The following AK4 variants were observed in gnomAD, a reference collection of about 807,000 sequenced individuals.
The protein encoded by AK4 is adenylate kinase 4, also known as adenylate kinase 4, mitochondrial.
AK4 carries 13 observed loss-of-function variants against 24.6 expected under a neutral mutation model. The ratio of observed to expected loss-of-function variants is 0.53; its 90% CI spans 0.34 to 0.84. The LOEUF (loss-of-function observed/expected upper bound fraction) is 0.84, where lower values mean the gene tolerates loss of function less well. Ranked by LOEUF, AK4 falls within the 40% of genes least tolerant of loss-of-function variation. The pLI is 0.01. For synonymous variants in AK4, 88 were observed against 107.0 expected (o/e 0.82, Z 1.10); for missense variants, 192 against 288.2 (o/e 0.67, Z 2.42).
At chr1:65,209,389 T>C (rs1035761887) in intron 2 of AK4, among the ~76,000 whole-genome samples, 5 of 152,096 alleles carry the variant, frequency 3.3e-5, no homozygotes, top group Non-Finnish European at 7.4e-5. Context: ...CTTGGAGTGT[T>C]ACTTTTAGTA....
chr1:65,206,476 C>T (rs574295592), intron 2 of AK4, among the ~76,000 whole-genome samples: 2 of 152,338 alleles, frequency 1.3e-5, no homozygotes, highest in Admixed American at 6.5e-5. Context: ...AGGCCGGACG[C>T]GGTGGCTTGT....
intron 1 of AK4, among the ~76,000 whole-genome samples, chr1:65,189,673 A>ACC (rs1393185613): frequency 5.4e-4 from 76 of 139,600 alleles, no homozygotes; most frequent in South Asian, 2.0e-3. Context: ...ACACACACAC[A>ACC]CACACCCCAC....
At chr1:65,162,774 G>A (rs1446123792) in intron 1 of AK4, among the ~76,000 whole-genome samples, 1 of 151,966 alleles carries the variant, frequency 6.6e-6, no homozygotes, top group East Asian at 1.9e-4. Flanking sequence ...CATTTCTCCA[G>A]AAAGAAACCC....
intron 2 of AK4, among the ~76,000 whole-genome samples, chr1:65,200,776 AT>A (rs1651638549): frequency 1.3e-5 from 2 of 151,432 alleles, no homozygotes; most frequent in South Asian, 4.2e-4. Flanking sequence ...GATACTCAGA[AT>A]CCAGTGGTGT....
intron 2 of AK4, among the ~76,000 whole-genome samples, chr1:65,207,346 T>C (rs1027604795): frequency 6.6e-6 from 1 of 152,032 alleles, no homozygotes; most frequent in Non-Finnish European, 1.5e-5. Flanking sequence ...CTTTGGGGTC[T>C]TTTTCTATTA....
At chr1:65,209,126 G>A (rs1030761904) in intron 2 of AK4, among the ~76,000 whole-genome samples, 1 of 152,190 alleles carries the variant, frequency 6.6e-6, no homozygotes, top group African/African-American at 2.4e-5. Context: ...AGAGTGAGCA[G>A]CTTTTCTAGG....
At chr1:65,221,411 C>G (rs965679482) in intron 3 of AK4, among the ~76,000 whole-genome samples, 3 of 152,256 alleles carry the variant, frequency 2.0e-5, no homozygotes, top group Non-Finnish European at 2.9e-5. Flanking sequence ...GACTTTTTCA[C>G]TAAGCACTCC....
chr1:65,189,380 G>GT (rs1414249980), intron 1 of AK4, among the ~76,000 whole-genome samples: 1 of 150,332 alleles, frequency 6.7e-6, no homozygotes, highest in Non-Finnish European at 1.5e-5. Flanking sequence ...CTGGGTTCAA[G>GT]TGATTCTCAT....
chr1:65,184,034 T>C (rs1651005463), intron 1 of AK4, among the ~76,000 whole-genome samples: 1 of 152,224 alleles, frequency 6.6e-6, no homozygotes, highest in Admixed American at 6.5e-5. Context: ...AATGCGGTAT[T>C]ATCTTAATGC....
At chr1:65,178,029 T>C (rs565910871) in intron 1 of AK4, among the ~76,000 whole-genome samples, 7 of 152,124 alleles carry the variant, frequency 4.6e-5, no homozygotes, top group African/African-American at 1.4e-4. Flanking sequence ...ACCGTGGCTG[T>C]CAGGGGTGAA....
chr1:65,190,918 G>T, intron 2 of AK4, 89 bp downstream of exon 2: 4 of 1,426,374 alleles, frequency 2.8e-6, no homozygotes, highest in Non-Finnish European at 3.7e-6. Context: ...AATGGAAAAT[G>T]CCTTATTTTC....
At chr1:65,150,858 T>C (rs1246741060) in intron 1 of AK4, among the ~76,000 whole-genome samples, 3 of 152,216 alleles carry the variant, frequency 2.0e-5, no homozygotes, top group African/African-American at 4.8e-5. Flanking sequence ...TGCAGCCTGG[T>C]GAAAAGCTGC....
At chr1:65,215,259 C>T (rs539213680) in intron 2 of AK4, among the ~76,000 whole-genome samples, 6 of 151,994 alleles carry the variant, frequency 3.9e-5, no homozygotes, top group African/African-American at 1.2e-4. Context: ...GCAATCTCCG[C>T]CTCCCGGGTT....
At chr1:65,200,231 AG>A (rs1422458326) in intron 2 of AK4, among the ~76,000 whole-genome samples, 2 of 152,048 alleles carry the variant, frequency 1.3e-5, no homozygotes, top group Non-Finnish European at 2.9e-5. Flanking sequence ...CTCCTGCTTC[AG>A]CCTCCTGAGT....
intron 1 of AK4, among the ~76,000 whole-genome samples, chr1:65,183,096 G>C (rs547207563): frequency 6.6e-6 from 1 of 152,204 alleles, no homozygotes; most frequent in Admixed American, 6.5e-5. Context: ...AGCTGAATGA[G>C]TATTTTGTGG....
At chr1:65,168,333 A>C (rs1043135663) in intron 1 of AK4, among the ~76,000 whole-genome samples, 1 of 151,956 alleles carries the variant, frequency 6.6e-6, no homozygotes, top group Admixed American at 6.6e-5. Context: ...TTTAGTAGAG[A>C]CGAGGTTTCA....
At chr1:65,178,346 C>T (rs1650785870) in intron 1 of AK4, among the ~76,000 whole-genome samples, 1 of 152,168 alleles carries the variant, frequency 6.6e-6, no homozygotes, top group Non-Finnish European at 1.5e-5. Flanking sequence ...GTGTGTGAGG[C>T]CTGTAGTCCA....
chr1:65,154,578 A>G (rs1271696483), intron 1 of AK4: 5 of 517,182 alleles, frequency 9.7e-6, no homozygotes, highest in Non-Finnish European at 1.9e-5. Context: ...TGATCCAGAA[A>G]TGTGGCCTCA....
chr1:65,188,604 G>A (rs956303001), intron 1 of AK4, among the ~76,000 whole-genome samples: 1 of 151,188 alleles, frequency 6.6e-6, no homozygotes, highest in African/African-American at 2.4e-5. Flanking sequence ...TCAGTCTCCC[G>A]AGTAGCTGGG....
Sources: allele counts gnomAD v4.1 joint callset (sites outside exome capture counted in the v4.1 genomes callset), GRCh38; gene constraint gnomAD v4.1.1; transcripts MANE v1.5; gene names NCBI Gene and HGNC (gene_info 2026-07-23, HGNC 2026-07-21).